Variants in NDST4 observed in about 807,000 individuals in gnomAD.
NDST4 encodes the protein N-deacetylase and N-sulfotransferase 4.
Under a neutral mutation model 100.8 loss-of-function variants are expected in NDST4, and 63 were observed. That is an observed-to-expected ratio of 0.62 (90% CI 0.51 to 0.77). The LOEUF (loss-of-function observed/expected upper bound fraction) is 0.77. Among genes scored for constraint, NDST4 ranks in the 30% least tolerant of loss-of-function variants. The pLI is 0.00. For missense variants in NDST4, 943 were observed against 1,018.4 expected (o/e 0.93, Z 1.01); for synonymous variants, 377 against 361.8 (o/e 1.04, Z -0.48).
At chr4:114,914,376 T>A (rs1188145688) in intron 6 of NDST4, among the ~76,000 whole-genome samples, 4 of 152,184 alleles carry the variant, frequency 2.6e-5, no homozygotes, top group East Asian at 1.9e-4. Flanking sequence ...TACCCTATTT[T>A]ACATGATGTG....
At chr4:115,055,539 A>G (rs946688279) in intron 2 of NDST4, among the ~76,000 whole-genome samples, 1 of 152,178 alleles carries the variant, frequency 6.6e-6, no homozygotes, top group African/African-American at 2.4e-5. Flanking sequence ...TTCATTTGAT[A>G]GCAAACTAAG....
chr4:114,975,331 A>G (rs941688552), intron 3 of NDST4, among the ~76,000 whole-genome samples: 1 of 152,192 alleles, frequency 6.6e-6, no homozygotes, highest in African/African-American at 2.4e-5. Flanking sequence ...TTATAGATTT[A>G]TAAATATTGC....
In NDST4 at chr4:115,002,272, A is replaced by G. The variant is rs147515955; in HGVS notation, c.979-24998T>C. On this transcript the variant is annotated intron_variant, in intron 2 of 13. Transcript: ENST00000264363. Reference sequence around the variant, plus strand: ...GACCAGTGATGATGAGCTTTTTTTCATGTTTGTTGGCCACATCAATGTCTT... The same window carrying G: ...GACCAGTGATGATGAGCTTTTTTTCGTGTTTGTTGGCCACATCAATGTCTT... Among the ~76,000 whole-genome samples the G allele has an allele frequency of 7.6e-3, 1,159 of 151,904 alleles. 18 individuals carry two copies. The highest frequency in any genetic ancestry group is 0.017 in the Middle Eastern group (5 of 294).
chr4:115,036,545 A>G (rs1383486477), intron 2 of NDST4, among the ~76,000 whole-genome samples: 1 of 151,876 alleles, frequency 6.6e-6, no homozygotes, highest in Non-Finnish European at 1.5e-5. Flanking sequence ...AAATATAAAA[A>G]TCTTCATGTA....
chr4:115,084,548 A>T lies in NDST4; in HGVS notation c.-246-7266T>A, dbSNP rs577689010. Among the ~76,000 whole-genome samples, 4 of 152,234 alleles carry T rather than the reference A, an allele frequency of 2.6e-5. No homozygotes were observed. In the South Asian group the frequency reaches 8.3e-4, roughly 32 times the overall value. On this transcript the variant is annotated intron_variant, in intron 1 of 13. Transcript: ENST00000264363. ...AGGCCTAGGAGGAAAAAATGGATTCATGCACCAGGTCCAGGGTCCCCCCTG... is the reference window on the plus strand; with the variant it reads ...AGGCCTAGGAGGAAAAAATGGATTCTTGCACCAGGTCCAGGGTCCCCCCTG...
rs1381974911 is a variant in NDST4 at position 114,868,447 on chromosome 4, A to G, written c.1719+2321T>C. 2.0e-5 allele frequency among the ~76,000 whole-genome samples: 3 copies of G among 152,098 alleles called. No homozygotes were observed. In the East Asian group the frequency reaches 5.8e-4, roughly 29 times the overall value. On this transcript the variant is annotated intron_variant, in intron 7 of 13. Transcript: ENST00000264363. ...CCAGGGAAGTGAACTAGTATTATGC[A>G]CTTTATTGTTACTTCACAACTTGAA...
At chr4:114,966,806 T>G (rs1726392718) in intron 4 of NDST4, among the ~76,000 whole-genome samples, 1 of 152,130 alleles carries the variant, frequency 6.6e-6, no homozygotes, top group Admixed American at 6.5e-5. Flanking sequence ...CACAGAATTT[T>G]AAAACTGAAA....
chr4:115,060,742 C>A (rs896431249), intron 2 of NDST4, among the ~76,000 whole-genome samples: 4 of 151,540 alleles, frequency 2.6e-5, no homozygotes, highest in Non-Finnish European at 4.4e-5. Context: ...TTTACACACA[C>A]AAAAATACAC....
rs555279017 is a variant in NDST4 at position 114,961,168 on chromosome 4, C to A, written c.1221+9262G>T. The stretch of plus-strand genomic sequence containing the variant: ...TTTTGAGATGAATAAAAATGAAGAC[C>A]CAACTTACTAATACTTAGAGGAAGC... On this transcript the variant is annotated intron_variant, in intron 4 of 13. Coordinates refer to ENST00000264363, the MANE Select transcript of NDST4 (RefSeq NM_022569.3). Among the ~76,000 whole-genome samples the A allele has an allele frequency of 2.6e-5, 4 of 151,394 alleles. No individual in the cohort carries two copies. In the South Asian group the frequency reaches 8.3e-4, roughly 32 times the overall value.
intron 12 of NDST4, among the ~76,000 whole-genome samples, chr4:114,830,099 T>C (rs1723163024): frequency 6.6e-6 from 1 of 152,180 alleles, no homozygotes; most frequent in African/African-American, 2.4e-5. Flanking sequence ...AGCTATACTA[T>C]ACTGAAAAAA....
intron 1 of NDST4, among the ~76,000 whole-genome samples, chr4:115,099,814 A>C (rs1350420839): frequency 6.6e-6 from 1 of 152,160 alleles, no homozygotes; most frequent in Non-Finnish European, 1.5e-5. Flanking sequence ...CTTGGTATTT[A>C]CTCAATGAGT....
chr4:114,908,786 T>C (rs1049273431), intron 6 of NDST4, among the ~76,000 whole-genome samples: 2 of 152,200 alleles, frequency 1.3e-5, no homozygotes, highest in African/African-American at 4.8e-5. Flanking sequence ...ACTGATGAAT[T>C]AATGTTAACT....
At chr4:114,836,936 A>C (rs1430521773) in intron 11 of NDST4, among the ~76,000 whole-genome samples, 2 of 152,046 alleles carry the variant, frequency 1.3e-5, no homozygotes, top group Non-Finnish European at 2.9e-5. Flanking sequence ...TATGTTTCAC[A>C]AAGTTCTCAT....
At chr4:114,967,309 A>C (rs543332693) in intron 4 of NDST4, among the ~76,000 whole-genome samples, 1 of 152,122 alleles carries the variant, frequency 6.6e-6, no homozygotes, top group Non-Finnish European at 1.5e-5. Context: ...TAATATTTGG[A>C]CTATGTAAAA....
At chr4:115,095,132 G>A (rs933934195) in intron 1 of NDST4, among the ~76,000 whole-genome samples, 2 of 151,954 alleles carry the variant, frequency 1.3e-5, no homozygotes, top group African/African-American at 4.8e-5. Context: ...TGTAGGTATT[G>A]GGCTCCTCAG....
rs183067449 is a variant in NDST4, at chr4:115,089,558, C to T, written c.-246-12276G>A. 1.1e-4 allele frequency among the ~76,000 whole-genome samples: 16 copies of T among 151,930 alleles called. No homozygotes were observed. The East Asian group carries it at 3.1e-3, about 29-fold the overall frequency. On this transcript the variant is annotated intron_variant, in intron 1 of 13. Transcript: ENST00000264363. ...TTTTTATAATACCTTTGCATTTTTACATAACTGGTTTATGTGTCTTCCCCA... is the reference window on the plus strand; with the variant it reads ...TTTTTATAATACCTTTGCATTTTTATATAACTGGTTTATGTGTCTTCCCCA...
rs115034465 is a variant in NDST4, at chr4:114,896,736, C to A, written c.1537-25786G>T. ...GAGATGTTCACATTGCATGAAAATT[C>A]TTTGCAAGAAAACACAAGCCAGCAG... is the stretch of plus-strand genomic sequence containing the variant. On this transcript the variant is annotated intron_variant, in intron 6 of 13. Transcript: ENST00000264363. Among the ~76,000 whole-genome samples the A allele has an allele frequency of 8.7e-3, 1,324 of 152,084 alleles. 13 individuals are homozygous for A. Among genetic ancestry groups the A allele is most frequent in the Admixed American group, 0.011 (163 of 15,286 alleles).
chr4:114,851,171 T>A (rs1723667795), intron 8 of NDST4, among the ~76,000 whole-genome samples: 2 of 152,282 alleles, frequency 1.3e-5, no homozygotes, highest in Admixed American at 1.3e-4. Context: ...TAAGGGAAGA[T>A]TGGCAGCACG....
chr4:115,078,642 C>T (rs1361723573), intron 1 of NDST4, among the ~76,000 whole-genome samples: 2 of 152,048 alleles, frequency 1.3e-5, no homozygotes, highest in Non-Finnish European at 2.9e-5. Flanking sequence ...AGTTCAAGAT[C>T]AGCCTGGTAG....
Sources: allele counts gnomAD v4.1 joint callset (sites outside exome capture counted in the v4.1 genomes callset), GRCh38; gene constraint gnomAD v4.1.1; transcripts MANE v1.5; gene names NCBI Gene and HGNC (gene_info 2026-07-23, HGNC 2026-07-21).